The following ZNF710 variants were observed in gnomAD, a reference collection of about 807,000 sequenced individuals.
The protein encoded by ZNF710 is zinc finger protein 710.
Under a neutral mutation model 50.6 loss-of-function variants are expected in ZNF710, and 13 were observed. The ratio of observed to expected loss-of-function variants is 0.26; its 90% CI spans 0.17 to 0.41. The LOEUF (loss-of-function observed/expected upper bound fraction) is 0.41. Among genes scored for constraint, ZNF710 ranks in the 10% least tolerant of loss-of-function variants. The pLI is 1.00. For synonymous variants in ZNF710, 383 were observed against 397.0 expected (o/e 0.96, Z 0.42); for missense variants, 721 against 936.6 (o/e 0.77, Z 3.01).
chr15:90,000,014 C>A (rs1469929575), upstream of ZNF710, among the ~76,000 whole-genome samples: 3 of 148,674 alleles, frequency 2.0e-5, no homozygotes, highest in African/African-American at 7.5e-5. Context: ...TGCATTGTTC[C>A]CTGAGTTTGC....
chr15:89,999,457 G>A (rs76105324), upstream of ZNF710, among the ~76,000 whole-genome samples: 11,991 of 152,274 alleles, frequency 0.079, 660 homozygotes, highest in Non-Finnish European at 0.11. Flanking sequence ...TAAGTGGGAG[G>A]CTGCAAGTGA....
intron 1 of ZNF710, among the ~76,000 whole-genome samples, chr15:90,002,233 G>C (rs935865901): frequency 2.6e-5 from 4 of 151,872 alleles, no homozygotes; most frequent in African/African-American, 7.2e-5. Flanking sequence ...GGCCGGGGGT[G>C]GGGGAGAGCT....
At chr15:90,063,304 A>T (rs1900068012) in intron 1 of ZNF710, among the ~76,000 whole-genome samples, 1 of 152,072 alleles carries the variant, frequency 6.6e-6, no homozygotes, top group African/African-American at 2.4e-5. Context: ...TTGATGGGGC[A>T]CTTGGGAGTG....
At chr15:90,036,065 C>G (rs1013575792) in intron 1 of ZNF710, among the ~76,000 whole-genome samples, 1 of 152,186 alleles carries the variant, frequency 6.6e-6, no homozygotes, top group African/African-American at 2.4e-5. Context: ...CCCATCCGGC[C>G]CCACAAGCAG....
chr15:90,058,728 T>TATATATGTACATGTAC (rs1555458604), intron 1 of ZNF710, among the ~76,000 whole-genome samples: 1 of 145,934 alleles, frequency 6.9e-6, no homozygotes, highest in African/African-American at 2.7e-5. Flanking sequence ...TACACACATA[T>TATATATGTACATGTAC]ACACACACAC....
intron 2 of ZNF710, among the ~76,000 whole-genome samples, chr15:90,071,215 C>T (rs894034704): frequency 2.0e-5 from 3 of 151,204 alleles, no homozygotes; most frequent in Non-Finnish European, 2.9e-5. Context: ...GAGCCAAGAC[C>T]GTGCCGCTGT....
chr15:90,004,527 A>C (rs1379081662), intron 1 of ZNF710, among the ~76,000 whole-genome samples: 1 of 152,192 alleles, frequency 6.6e-6, no homozygotes, highest in Admixed American at 6.5e-5. Flanking sequence ...GGAATCTGTG[A>C]ATGTGCTGGG....
chr15:90,054,011 G>C (rs1483955277), intron 1 of ZNF710, among the ~76,000 whole-genome samples: 1 of 152,136 alleles, frequency 6.6e-6, no homozygotes, highest in Admixed American at 6.5e-5. Flanking sequence ...ATGGAATGGG[G>C]TTTCTTTTTC....
chr15:89,998,805 C>T (rs1316934026), upstream of ZNF710, among the ~76,000 whole-genome samples: 1 of 152,216 alleles, frequency 6.6e-6, no homozygotes, highest in African/African-American at 2.4e-5. Flanking sequence ...GCAGGTAAGC[C>T]TGGGCCCTTA....
rs916987306 is a variant in ZNF710, at chr15:90,034,051, A to C, written c.-29+32437A>C. On this transcript the variant is annotated intron_variant, in intron 1 of 4. Coordinates refer to ENST00000268154, the MANE Select transcript of ZNF710 (RefSeq NM_198526.4). The surrounding 1 kb of genome is among the most constrained non-coding windows in gnomAD (Gnocchi z 4.0). Reference sequence around the variant, plus strand: ...ACCCTGTCTTTACTAAAAGTACAAAAATTAGCTGGGCGTGGTAGCAGCTGT... The same window carrying C: ...ACCCTGTCTTTACTAAAAGTACAAACATTAGCTGGGCGTGGTAGCAGCTGT... Among the ~76,000 whole-genome samples, 1 of 152,050 alleles carries C rather than the reference A, an allele frequency of 6.6e-6. No individual in the cohort carries two copies. The highest frequency in any genetic ancestry group is 1.5e-5 in the Non-Finnish European group (1 of 68,000).
intron 1 of ZNF710, among the ~76,000 whole-genome samples, chr15:90,042,182 C>G (rs988223871): frequency 1.3e-5 from 2 of 152,134 alleles, no homozygotes; most frequent in Admixed American, 6.5e-5. Context: ...CAGGCGAGAG[C>G]CACCGTGCCC....
intron 1 of ZNF710, among the ~76,000 whole-genome samples, chr15:90,035,303 T>C (rs1488966492): frequency 2.6e-5 from 4 of 152,218 alleles, no homozygotes; most frequent in Non-Finnish European, 1.5e-5. Flanking sequence ...TGTGGCTTCC[T>C]GGCCTGGCTC....
chr15:90,019,305 G>A (rs1898547254), intron 1 of ZNF710, among the ~76,000 whole-genome samples: 1 of 150,328 alleles, frequency 6.7e-6, no homozygotes, highest in Non-Finnish European at 1.5e-5. Flanking sequence ...TGAACAGATG[G>A]ACTATCATTT....
intron 1 of ZNF710, among the ~76,000 whole-genome samples, chr15:90,038,619 G>A (rs1899201833): frequency 6.6e-6 from 1 of 151,664 alleles, no homozygotes; most frequent in Non-Finnish European, 1.5e-5. Flanking sequence ...TTTTCGTATG[G>A]CTGTTTTCCT....
At chr15:90,025,021 G>C (rs1365509664) in intron 1 of ZNF710, 1 of 37,516 alleles carries the variant, frequency 2.7e-5, no homozygotes, top group Non-Finnish European at 8.2e-5. Context: ...CGGATGTGTT[G>C]CTGTGGTTGG....
At chr15:90,071,677 C>CTTTTTTTTTTTTT (rs201729973) in intron 2 of ZNF710, among the ~76,000 whole-genome samples, 1 of 127,260 alleles carries the variant, frequency 7.9e-6, no homozygotes, top group African/African-American at 2.9e-5. Context: ...TTTATTTTTA[C>CTTTTTTTTTTTTT]TCTTTTTTTT....
In ZNF710 at chr15:90,062,155, C is replaced by G. The variant is rs901475930; in HGVS notation, c.-28-4955C>G. 6.6e-6 allele frequency among the ~76,000 whole-genome samples: 1 copy of G among 151,344 alleles called. No individual in the cohort carries two copies. Among genetic ancestry groups the G allele is most frequent in the Non-Finnish European group, 1.5e-5 (1 of 67,778 alleles). Reference sequence around the variant, plus strand: ...CCACAGCCTCATTCTCTCTCCCTCCCCCTCACTCAGGCTCCTCCTCTGCCC... The same window carrying G: ...CCACAGCCTCATTCTCTCTCCCTCCGCCTCACTCAGGCTCCTCCTCTGCCC... On this transcript the variant is annotated intron_variant, in intron 1 of 4. Transcript: ENST00000268154. This position sits in a 1 kb window ranked among gnomAD's most constrained non-coding sequence, Gnocchi z 5.6.
intron 1 of ZNF710, among the ~76,000 whole-genome samples, chr15:90,060,126 C>T (rs921293148): frequency 5.9e-5 from 9 of 151,774 alleles, no homozygotes; most frequent in African/African-American, 1.5e-4. Context: ...CTGCAGCCCC[C>T]GCCTCCCAGA....
chr15:90,070,886 T>A (rs1257458522), intron 2 of ZNF710, among the ~76,000 whole-genome samples: 1 of 152,214 alleles, frequency 6.6e-6, no homozygotes, highest in East Asian at 1.9e-4. Context: ...GGATTGTTAA[T>A]GTCTGCAAGG....
Sources: allele counts gnomAD v4.1 joint callset (sites outside exome capture counted in the v4.1 genomes callset), GRCh38; gene constraint gnomAD v4.1.1; non-coding constraint Gnocchi (gnomAD v3.1); transcripts MANE v1.5; gene names NCBI Gene and HGNC (gene_info 2026-07-23, HGNC 2026-07-21).